Variants in CACNA2D3 observed in about 807,000 individuals in gnomAD.
CACNA2D3 encodes the protein calcium voltage-gated channel auxiliary subunit alpha2delta 3.
CACNA2D3 carries 60 observed loss-of-function variants against 160.6 expected under a neutral mutation model. The ratio of observed to expected loss-of-function variants is 0.37; its 90% confidence interval spans 0.30 to 0.46. CACNA2D3 has a LOEUF of 0.46. Among genes scored for constraint, CACNA2D3 ranks in the 20% least tolerant of loss-of-function variants. The pLI, the probability that CACNA2D3 is intolerant of heterozygous loss-of-function variation, is 1.00. For missense variants in CACNA2D3, 1,205 were observed against 1,365.0 expected, an observed-to-expected ratio of 0.88 and a Z score of 1.85; for synonymous variants, 558 against 492.9, an observed-to-expected ratio of 1.13 and a Z score of -1.75.
At chr3:54,303,425 T>A (rs1703524320) in intron 2 of CACNA2D3, among the ~76,000 whole-genome samples, 1 of 152,250 alleles carries the variant, frequency 6.6e-6, no homozygotes, top group Non-Finnish European at 1.5e-5. Flanking sequence ...AAGAAATTAA[T>A]TCAGCAGAGT....
chr3:54,330,701 G>A (rs1704229710), intron 3 of CACNA2D3, among the ~76,000 whole-genome samples: 1 of 152,220 alleles, frequency 6.6e-6, no homozygotes. Context: ...CAGACTCATA[G>A]GGGAGCAGAG....
intron 11 of CACNA2D3, among the ~76,000 whole-genome samples, chr3:54,745,241 A>G (rs1701732535): frequency 1.3e-5 from 2 of 152,158 alleles, no homozygotes; most frequent in South Asian, 4.1e-4. Context: ...AACCAGGCTT[A>G]GCGTTGGACA....
intron 2 of CACNA2D3, among the ~76,000 whole-genome samples, chr3:54,147,323 G>T (rs1700050645): frequency 6.6e-6 from 1 of 152,236 alleles, no homozygotes; most frequent in Non-Finnish European, 1.5e-5. Context: ...CACAGAGGAA[G>T]CGTTGGCTCT....
chr3:54,927,594 T>C (rs1701059857), intron 27 of CACNA2D3, among the ~76,000 whole-genome samples: 1 of 152,132 alleles, frequency 6.6e-6, no homozygotes, highest in African/African-American at 2.4e-5. Context: ...GTTCATTCTT[T>C]CTTTGGTTCC....
At chr3:54,233,367 A>G (rs1701814597) in intron 2 of CACNA2D3, among the ~76,000 whole-genome samples, 1 of 152,162 alleles carries the variant, frequency 6.6e-6, no homozygotes, top group Non-Finnish European at 1.5e-5. Context: ...GGCTGCATAG[A>G]AAGGGTTACC....
chr3:54,624,983 G>T (rs756120745), intron 9 of CACNA2D3, among the ~76,000 whole-genome samples: 1 of 152,208 alleles, frequency 6.6e-6, no homozygotes, highest in Non-Finnish European at 1.5e-5. Context: ...CCTTGGACTC[G>T]GTTAATTGCC....
chr3:54,375,562 G>A (rs2107552340), intron 3 of CACNA2D3, among the ~76,000 whole-genome samples: 1 of 152,230 alleles, frequency 6.6e-6, no homozygotes, highest in African/African-American at 2.4e-5. Context: ...AGAACAGCAG[G>A]ATGACAGAGA....
In CACNA2D3 at chr3:54,386,708, T is replaced by TTTTTC. The variant is rs1553643002; in HGVS notation, c.322-3_322-2insCTTTT. On this transcript the variant is annotated splice_region_variant and splice_polypyrimidine_tract_variant and intron_variant, in intron 3 of 37. Coordinates refer to ENST00000474759, the MANE Select transcript of CACNA2D3 (RefSeq NM_018398.3). Reference sequence around the variant, plus strand: ...TGCTGTCTTCTGTTTTTTTTTTTTTTTTTTAGCGTCTGGTGGAGGCTGCAG... The same window carrying TTTTTC: ...TGCTGTCTTCTGTTTTTTTTTTTTTTTTTTCTTTTAGCGTCTGGTGGAGGCTGCAG... 1 of 1,533,194 alleles carries TTTTTC rather than the reference T, an allele frequency of 6.5e-7. No homozygotes were observed. Among genetic ancestry groups the TTTTTC allele is most frequent in the African/African-American group, 1.4e-5 (1 of 72,240 alleles). The allele number at this position is 1,533,194 out of a possible 1,614,324, so 95.0% of individuals were successfully genotyped here.
chr3:54,307,697 G>C (rs1340862712), intron 2 of CACNA2D3, among the ~76,000 whole-genome samples: 1 of 152,180 alleles, frequency 6.6e-6, no homozygotes, highest in Non-Finnish European at 1.5e-5. Flanking sequence ...TTTTGGCCCT[G>C]TAACTACAGA....
Position 54,421,941 on chromosome 3 carries a change from T to C in CACNA2D3, c.381+35167T>C, listed in dbSNP as rs558070481. On this transcript the variant is annotated intron_variant, in intron 4 of 37. Coordinates refer to ENST00000474759, the MANE Select transcript of CACNA2D3 (RefSeq NM_018398.3). Reference sequence around the variant, plus strand: ...GCAGTCCACCACACCGAGAGCCTTATGAATCACCTCTCAGTTTTGTCCATT... The same window carrying C: ...GCAGTCCACCACACCGAGAGCCTTACGAATCACCTCTCAGTTTTGTCCATT... Among the ~76,000 whole-genome samples, 5 of 152,328 alleles carry C rather than the reference T, an allele frequency of 3.3e-5. No individual in the cohort carries two copies. The South Asian group carries it at 1.0e-3, about 32-fold the overall frequency.
chr3:54,775,654 A>T (rs1702412089), intron 13 of CACNA2D3, among the ~76,000 whole-genome samples: 1 of 152,194 alleles, frequency 6.6e-6, no homozygotes, highest in Non-Finnish European at 1.5e-5. Flanking sequence ...TTGTGTCTGT[A>T]TTCAAAAATC....
At chr3:54,169,199 C>A (rs35833861) in intron 2 of CACNA2D3, among the ~76,000 whole-genome samples, 12,052 of 152,206 alleles carry the variant, frequency 0.079, 530 homozygotes, top group South Asian at 0.17. Flanking sequence ...TTTCAGATTT[C>A]TTCGAAAGTA....
intron 27 of CACNA2D3, among the ~76,000 whole-genome samples, chr3:54,941,932 C>T (rs996347138): frequency 3.3e-5 from 5 of 152,178 alleles, no homozygotes; most frequent in African/African-American, 9.7e-5. Context: ...ACTTCAACCT[C>T]GTGAAATGGC....
chr3:55,028,994 T>G (rs972527304), intron 35 of CACNA2D3, among the ~76,000 whole-genome samples: 1 of 152,204 alleles, frequency 6.6e-6, no homozygotes, highest in Non-Finnish European at 1.5e-5. Context: ...TTTCGTGGGC[T>G]ACAGTTCAGA....
At chr3:54,507,779 C>T (rs1232066253) in intron 5 of CACNA2D3, among the ~76,000 whole-genome samples, 5 of 152,236 alleles carry the variant, frequency 3.3e-5, no homozygotes, top group Admixed American at 2.6e-4. Context: ...CAAGGACCCA[C>T]TGACCCCAGG....
At chr3:54,394,648 A>C (rs1699343098) in intron 4 of CACNA2D3, among the ~76,000 whole-genome samples, 1 of 117,638 alleles carries the variant, frequency 8.5e-6, no homozygotes, top group Non-Finnish European at 1.7e-5. Context: ...TGAACTCATC[A>C]TTTTTTATGG....
chr3:54,739,592 G>C lies in CACNA2D3; in HGVS notation c.1168-13007G>C, dbSNP rs564737991. ...TTACCAGTGCACTATGCTTAGAAAA[G>C]GAATAGGATGATTTTGCATTTACAT... On this transcript the variant is annotated intron_variant, in intron 11 of 37. Transcript: ENST00000474759. Among the ~76,000 whole-genome samples, 9 of 152,136 alleles carry C rather than the reference G, an allele frequency of 5.9e-5. No individual in the cohort carries two copies. The East Asian group carries it at 1.5e-3, about 26-fold the overall frequency.
chr3:54,666,537 A>G (rs1220190257), intron 11 of CACNA2D3, among the ~76,000 whole-genome samples: 1 of 152,222 alleles, frequency 6.6e-6, no homozygotes, highest in Non-Finnish European at 1.5e-5. Context: ...GCAGAGATCT[A>G]TCCAATGCCA....
intron 3 of CACNA2D3, among the ~76,000 whole-genome samples, chr3:54,383,396 C>T (rs9849141): frequency 0.022 from 3,398 of 152,146 alleles, 58 homozygotes; most frequent in South Asian, 0.056. Context: ...TGGGACAACC[C>T]GGTGGGTGCT....
Sources: gnomAD v4.1 joint callset for allele counts (sites outside exome capture counted in the v4.1 genomes callset) on GRCh38, gnomAD v4.1.1 for gene constraint, MANE v1.5 for transcripts, NCBI Gene and HGNC (gene_info 2026-07-23, HGNC 2026-07-21) for gene names.